Variants in FRMPD4 observed in about 807,000 individuals in gnomAD.
FRMPD4 encodes FERM and PDZ domain containing 4.
A neutral mutation model predicts 94.1 loss-of-function variants in FRMPD4; 22 were observed. The observed-to-expected ratio is 0.23, with a 90% CI of 0.17 to 0.33. FRMPD4 has a LOEUF of 0.33. Among genes scored for constraint, FRMPD4 ranks in the 10% least tolerant of loss-of-function variants. FRMPD4 has a pLI of 1.00. For missense variants in FRMPD4, 1,111 were observed against 1,339.9 expected, an observed-to-expected ratio of 0.83 and a Z score of 2.67; for synonymous variants, 631 against 548.6, an observed-to-expected ratio of 1.15 and a Z score of -2.10.
chrX:12,316,928 C>T (rs1217873760), intron 1 of FRMPD4, among the ~76,000 whole-genome samples: 2 of 111,720 alleles, frequency 1.8e-5, no homozygotes, highest in African/African-American at 3.3e-5. Context: ...TTGAAAATGG[C>T]ATGTACAATT....
At chrX:12,105,611 T>C (rs1407011783) in intron 3 of FRMPD4, among the ~76,000 whole-genome samples, 1 of 112,711 alleles carries the variant, frequency 8.9e-6, no homozygotes, top group Non-Finnish European at 1.9e-5. Context: ...ATCAAATGCA[T>C]GTTGATGATG....
At chrX:12,193,398 G>C (rs1321250875) in intron 1 of FRMPD4, among the ~76,000 whole-genome samples, 1 of 110,693 alleles carries the variant, frequency 9.0e-6, no homozygotes, top group Non-Finnish European at 1.9e-5. Context: ...GCATCTAGAT[G>C]TTAAATAATT....
chrX:12,616,419 C>G (rs2059236465), intron 4 of FRMPD4, among the ~76,000 whole-genome samples: 1 of 111,799 alleles, frequency 8.9e-6, no homozygotes, highest in Non-Finnish European at 1.9e-5. Flanking sequence ...GTCTAAGGTA[C>G]TTTGTTGTAG....
intron 1 of FRMPD4, among the ~76,000 whole-genome samples, chrX:11,852,638 A>G (rs1312404733): frequency 1.8e-5 from 2 of 110,916 alleles, no homozygotes; most frequent in Non-Finnish European, 3.8e-5. Context: ...CTTTAAACCA[A>G]CAAAGATCCA....
At chrX:11,831,305 G>A (rs1033697017) in intron 1 of FRMPD4, among the ~76,000 whole-genome samples, 1 of 111,715 alleles carries the variant, frequency 9.0e-6, no homozygotes, top group African/African-American at 3.3e-5. Flanking sequence ...GGAAGGCAGA[G>A]GTTGGTTTTA....
chrX:12,245,710 T>C (rs2053947697), intron 1 of FRMPD4, among the ~76,000 whole-genome samples: 1 of 109,543 alleles, frequency 9.1e-6, no homozygotes, highest in East Asian at 2.9e-4. Context: ...TTATCATGGG[T>C]GTGGCTAGTT....
rs1259676669 is a variant in FRMPD4, at chrX:12,581,841, G to T, written c.159-27880G>T. ...ATGATTCACTCCCTCTCTTCCTTCA[G>T]ATTCTTGCTCAAATGCCATTTTCTC... On this transcript the variant is annotated intron_variant, in intron 2 of 16. Transcript: ENST00000675598. 4.5e-5 allele frequency among the ~76,000 whole-genome samples: 5 copies of T among 112,047 alleles called. No individual in the cohort carries two copies. In the Admixed American group the frequency reaches 4.7e-4, roughly 11 times the overall value.
chrX:12,317,585 C>CAAAAAAAAAAAAAAA (rs376884335), intron 1 of FRMPD4, among the ~76,000 whole-genome samples: 270 of 41,703 alleles, frequency 6.5e-3, no homozygotes, highest in Middle Eastern at 0.046. Flanking sequence ...AACTAAATAG[C>CAAAAAAAAAAAAAAA]AAAAAAAAAA....
At chrX:12,421,820 A>T (rs943091523) in intron 1 of FRMPD4, among the ~76,000 whole-genome samples, 3 of 108,242 alleles carry the variant, frequency 2.8e-5, no homozygotes, top group African/African-American at 1.0e-4. Context: ...CTAGTTGATC[A>T]CATAAGGAGA....
At chrX:11,908,619 C>CA (rs1283536094) in intron 3 of FRMPD4, among the ~76,000 whole-genome samples, 1 of 111,713 alleles carries the variant, frequency 9.0e-6, no homozygotes, top group Non-Finnish European at 1.9e-5. Context: ...CACAAAGTAG[C>CA]AGTACTTTGC....
chrX:12,658,443 G>A (rs2059681162), intron 4 of FRMPD4, among the ~76,000 whole-genome samples: 1 of 111,888 alleles, frequency 8.9e-6, no homozygotes, highest in East Asian at 2.8e-4. Flanking sequence ...ATAAAATAGT[G>A]ATCCTGAAAA....
chrX:11,833,756 CCT>C (rs1157082695), intron 1 of FRMPD4, among the ~76,000 whole-genome samples: 1 of 111,970 alleles, frequency 8.9e-6, no homozygotes, highest in African/African-American at 3.2e-5. Flanking sequence ...CATTTTGCAG[CCT>C]CTCTTATAGT....
intron 4 of FRMPD4, among the ~76,000 whole-genome samples, chrX:12,624,105 A>G (rs970128393): frequency 1.3e-4 from 15 of 112,596 alleles, no homozygotes; most frequent in African/African-American, 4.8e-4. Context: ...GTTCATTGCC[A>G]GTATATCTGC....
intron 2 of FRMPD4, among the ~76,000 whole-genome samples, chrX:12,534,987 A>G (rs989003059): frequency 7.2e-5 from 8 of 111,349 alleles, no homozygotes; most frequent in African/African-American, 2.0e-4. Flanking sequence ...TCCCCACCCA[A>G]ATCTCATCTT....
intron 3 of FRMPD4, among the ~76,000 whole-genome samples, chrX:11,949,291 G>A (rs1228561175): frequency 8.9e-6 from 1 of 112,153 alleles, no homozygotes; most frequent in Non-Finnish European, 1.9e-5. Context: ...TGAACTGACT[G>A]GTTCATGTAG....
intron 4 of FRMPD4, among the ~76,000 whole-genome samples, chrX:12,646,517 A>G (rs2059548983): frequency 1.8e-5 from 2 of 112,272 alleles, no homozygotes; most frequent in African/African-American, 3.2e-5. Flanking sequence ...AGAAAATTTT[A>G]TCATGGTTCA....
chrX:12,366,952 G>A (rs1206062776), intron 1 of FRMPD4, among the ~76,000 whole-genome samples: 3 of 111,357 alleles, frequency 2.7e-5, no homozygotes, highest in Admixed American at 1.9e-4. Flanking sequence ...CTCTCTGGGT[G>A]GGCTGCTGCC....
At chrX:12,574,717 C>T (rs73196365) in intron 2 of FRMPD4, among the ~76,000 whole-genome samples, 1,872 of 111,173 alleles carry the variant, frequency 0.017, 20 homozygotes, top group Non-Finnish European at 0.028. Flanking sequence ...AGGCTGGTCT[C>T]GAATTTCTAA....
chrX:12,346,845 T>C (rs1319955731), intron 1 of FRMPD4, among the ~76,000 whole-genome samples: 2 of 112,454 alleles, frequency 1.8e-5, no homozygotes, highest in East Asian at 5.5e-4. Context: ...AAAGACATTT[T>C]TACTAATTCA....
Sources: allele counts gnomAD v4.1 joint callset (sites outside exome capture counted in the v4.1 genomes callset), GRCh38; gene constraint gnomAD v4.1.1; transcripts MANE v1.5; gene names NCBI Gene and HGNC (gene_info 2026-07-23, HGNC 2026-07-21).